PTPRK: variants seen among roughly 807,000 people sequenced by gnomAD.
PTPRK encodes receptor-type tyrosine-protein phosphatase kappa.
PTPRK carries 75 observed loss-of-function variants against 178.0 expected under a neutral mutation model. The observed-to-expected ratio is 0.42, with a 90% confidence interval of 0.35 to 0.51. The LOEUF (loss-of-function observed/expected upper bound fraction) is 0.51. Among genes scored for constraint, PTPRK ranks in the 20% least tolerant of loss-of-function variants. The pLI, the probability that PTPRK is intolerant of heterozygous loss-of-function variation, is 0.02. For missense variants in PTPRK, 1,441 were observed against 1,797.8 expected (o/e 0.80, Z 3.59); for synonymous variants, 637 against 620.6 (o/e 1.03, Z -0.39).
chr6:128,133,332 C>T (rs1390553185), intron 7 of PTPRK, among the ~76,000 whole-genome samples: 1 of 151,990 alleles, frequency 6.6e-6, no homozygotes, highest in Admixed American at 6.6e-5. Context: ...TCAAAAAGAA[C>T]ACATTTTCAT....
chr6:128,089,001 T>G (rs907756530), intron 8 of PTPRK, among the ~76,000 whole-genome samples: 1 of 152,178 alleles, frequency 6.6e-6, no homozygotes, highest in African/African-American at 2.4e-5. Context: ...TTGCTCTTGT[T>G]GCCCAGGCTG....
rs527901121 is a variant in PTPRK at position 127,989,620 on chromosome 6, T to C, written c.3096+1149A>G. Reference sequence around the variant, plus strand: ...CTCTGGAGATATACTGTTTTATTGATTTAAAGAAGGTTTGTAGCGATTTAA... The same window carrying C: ...CTCTGGAGATATACTGTTTTATTGACTTAAAGAAGGTTTGTAGCGATTTAA... On this transcript the variant is annotated intron_variant, in intron 21 of 29. Transcript: ENST00000368226. Among the ~76,000 whole-genome samples the C allele has an allele frequency of 3.9e-4, 60 of 152,174 alleles. 1 individual carries two copies. The highest frequency in any genetic ancestry group is 3.5e-3 in the Admixed American group (54 of 15,272).
chr6:128,424,353 C>A (rs993006451), intron 1 of PTPRK, among the ~76,000 whole-genome samples: 1 of 152,160 alleles, frequency 6.6e-6, no homozygotes, highest in African/African-American at 2.4e-5. Context: ...GAAGTTCAGG[C>A]TTGCTCATCT....
chr6:127,990,112 T>C (rs527455349), intron 21 of PTPRK, among the ~76,000 whole-genome samples: 2 of 152,118 alleles, frequency 1.3e-5, no homozygotes, highest in Non-Finnish European at 2.9e-5. Flanking sequence ...AACCCTACAA[T>C]GGCAGCCTAA....
intron 2 of PTPRK, among the ~76,000 whole-genome samples, chr6:128,358,620 T>C (rs1053631789): frequency 2.6e-5 from 4 of 152,204 alleles, no homozygotes; most frequent in African/African-American, 9.6e-5. Flanking sequence ...TACAGTACAA[T>C]AACTCAATAA....
chr6:128,041,139 C>T (rs1381250084), intron 13 of PTPRK, among the ~76,000 whole-genome samples: 2 of 152,030 alleles, frequency 1.3e-5, no homozygotes, highest in African/African-American at 2.4e-5. Flanking sequence ...ATAGGGGTTA[C>T]ATAATTTATT....
At chr6:128,131,839 T>G (rs1794290703) in intron 7 of PTPRK, among the ~76,000 whole-genome samples, 1 of 152,226 alleles carries the variant, frequency 6.6e-6, no homozygotes, top group Non-Finnish European at 1.5e-5. Flanking sequence ...TAATGTCTTG[T>G]AACATAAATT....
intron 3 of PTPRK, among the ~76,000 whole-genome samples, chr6:128,291,942 A>T (rs997056068): frequency 2.0e-5 from 3 of 152,130 alleles, no homozygotes; most frequent in African/African-American, 7.2e-5. Flanking sequence ...TCCTTTAACC[A>T]ATTGAAGAAA....
chr6:127,985,590 T>C (rs1178267419), intron 22 of PTPRK, 131 bp downstream of exon 22: 15 of 1,050,438 alleles, frequency 1.4e-5, no homozygotes, highest in Non-Finnish European at 1.9e-5. Context: ...TATTGCTGTT[T>C]TACTTTATCT....
intron 25 of PTPRK, among the ~76,000 whole-genome samples, chr6:127,977,428 T>C (rs1211943225): frequency 6.6e-6 from 1 of 152,220 alleles, no homozygotes; most frequent in South Asian, 2.1e-4. Context: ...ACGTAATCAG[T>C]CTCTGAGAGG....
intron 7 of PTPRK, among the ~76,000 whole-genome samples, chr6:128,149,326 G>A (rs1021768149): frequency 3.3e-5 from 5 of 151,310 alleles, no homozygotes; most frequent in African/African-American, 1.2e-4. Context: ...AAGAAAATAT[G>A]GCATATCATG....
At chr6:128,149,939 G>A (rs191712869) in intron 7 of PTPRK, among the ~76,000 whole-genome samples, 6 of 152,200 alleles carry the variant, frequency 3.9e-5, no homozygotes, top group Admixed American at 3.3e-4. Flanking sequence ...ACAGTGTTCT[G>A]AGAGTTACAA....
chr6:128,236,500 C>T (rs1813303398), intron 5 of PTPRK, among the ~76,000 whole-genome samples: 1 of 151,784 alleles, frequency 6.6e-6, no homozygotes, highest in Non-Finnish European at 1.5e-5. Context: ...ATGCGCGCAC[C>T]ACCACGCCCG....
intron 1 of PTPRK, among the ~76,000 whole-genome samples, chr6:128,515,378 C>CT (rs935284033): frequency 2.5e-4 from 37 of 148,830 alleles, no homozygotes; most frequent in East Asian, 1.2e-3. Flanking sequence ...ATGTCTTGTA[C>CT]TTTTTTTTTT....
intron 9 of PTPRK, among the ~76,000 whole-genome samples, 199 bp from the exon 10 acceptor site, chr6:128,082,837 C>T (rs776472517): frequency 6.6e-6 from 1 of 151,880 alleles, no homozygotes; most frequent in African/African-American, 2.4e-5. Context: ...CATCTATCTA[C>T]AGATACACCG....
At chr6:128,215,238 G>T (rs921388467) in intron 6 of PTPRK, among the ~76,000 whole-genome samples, 2 of 152,202 alleles carry the variant, frequency 1.3e-5, no homozygotes, top group African/African-American at 2.4e-5. Flanking sequence ...GGTTCGAGAT[G>T]TAAGTGGGTC....
chr6:128,280,653 T>C (rs1361535309), intron 3 of PTPRK, among the ~76,000 whole-genome samples: 1 of 152,176 alleles, frequency 6.6e-6, no homozygotes, highest in Non-Finnish European at 1.5e-5. Context: ...ATTAGGAGAA[T>C]AACTTGGTCA....
At chr6:128,490,483 C>T (rs1020486936) in intron 1 of PTPRK, among the ~76,000 whole-genome samples, 1 of 152,066 alleles carries the variant, frequency 6.6e-6, no homozygotes, top group African/African-American at 2.4e-5. Flanking sequence ...AGGAAAGATG[C>T]CAGAGGCAGA....
intron 3 of PTPRK, among the ~76,000 whole-genome samples, chr6:128,249,061 G>T (rs1816002493): frequency 6.6e-6 from 1 of 152,010 alleles, no homozygotes; most frequent in South Asian, 2.1e-4. Flanking sequence ...TCTAGGACTG[G>T]TAGCCAAAGA....
Sources: allele counts gnomAD v4.1 joint callset (sites outside exome capture counted in the v4.1 genomes callset), GRCh38; gene constraint gnomAD v4.1.1; transcripts MANE v1.5; gene names NCBI Gene and HGNC (gene_info 2026-07-23, HGNC 2026-07-21).